ROR1: variants seen among roughly 807,000 people sequenced by gnomAD.
ROR1 encodes inactive tyrosine-protein kinase transmembrane receptor ROR1.
ROR1 carries 19 observed loss-of-function variants against 78.8 expected under a neutral mutation model. That is an observed-to-expected ratio of 0.24 (90% CI 0.17 to 0.35). The LOEUF is 0.35. ROR1 is among the 10% of genes least tolerant of loss of function. The pLI, the probability that ROR1 is intolerant of heterozygous loss-of-function variation, is 1.00. For missense variants in ROR1, 917 were observed against 1,177.8 expected, an observed-to-expected ratio of 0.78 and a Z score of 3.24; for synonymous variants, 386 against 433.6, an observed-to-expected ratio of 0.89 and a Z score of 1.36.
chr1:64,052,909 T>G (rs778363143), intron 4 of ROR1, among the ~76,000 whole-genome samples: 5 of 152,046 alleles, frequency 3.3e-5, no homozygotes, highest in Non-Finnish European at 7.4e-5. Context: ...TTGCCACCAC[T>G]TCCCCTGTCT....
intron 4 of ROR1, among the ~76,000 whole-genome samples, chr1:64,122,936 A>C (rs1648593861): frequency 6.6e-6 from 1 of 152,210 alleles, no homozygotes; most frequent in Non-Finnish European, 1.5e-5. Flanking sequence ...AAGAGGGAAG[A>C]AAGAATGGCT....
chr1:64,063,081 G>T (rs1399630652), intron 4 of ROR1, among the ~76,000 whole-genome samples: 1 of 152,160 alleles, frequency 6.6e-6, no homozygotes, highest in African/African-American at 2.4e-5. Context: ...AGACCCAGGG[G>T]CTCATATACC....
chr1:63,863,773 ATTGTATTGTATTG>A (rs1645197448), intron 1 of ROR1, among the ~76,000 whole-genome samples: 1 of 150,520 alleles, frequency 6.6e-6, no homozygotes, highest in Non-Finnish European at 1.5e-5. Flanking sequence ...ATTGTATTGT[ATTGTATTGTATTG>A]TATTGTATTG....
At chr1:63,874,097 A>C (rs1197268732) in intron 1 of ROR1, among the ~76,000 whole-genome samples, 1 of 152,176 alleles carries the variant, frequency 6.6e-6, no homozygotes, top group Non-Finnish European at 1.5e-5. Flanking sequence ...ATACTCTCTA[A>C]GTACAAGATA....
chr1:64,014,379 G>A (rs1454945638), intron 2 of ROR1, among the ~76,000 whole-genome samples: 3 of 151,988 alleles, frequency 2.0e-5, no homozygotes, highest in African/African-American at 7.2e-5. Flanking sequence ...CCCTGGAAGA[G>A]CCGCTGAAAG....
chr1:64,150,757 A>G (rs1384134966), intron 7 of ROR1, among the ~76,000 whole-genome samples: 2 of 152,362 alleles, frequency 1.3e-5, no homozygotes, highest in Admixed American at 1.3e-4. Flanking sequence ...TACATTTTCA[A>G]CAACAAAGTA....
chr1:64,020,096 G>T (rs1646552842), intron 2 of ROR1, among the ~76,000 whole-genome samples: 2 of 152,144 alleles, frequency 1.3e-5, no homozygotes, highest in Non-Finnish European at 2.9e-5. Flanking sequence ...TTCCACTCCA[G>T]GGCCACCAGA....
At chr1:64,001,143 A>G (rs1646379804) in intron 1 of ROR1, among the ~76,000 whole-genome samples, 1 of 152,242 alleles carries the variant, frequency 6.6e-6, no homozygotes, top group African/African-American at 2.4e-5. Context: ...ACCATGGAAT[A>G]CTCTACACAG....
intron 1 of ROR1, among the ~76,000 whole-genome samples, chr1:63,785,585 C>T (rs371406696): frequency 1.3e-5 from 2 of 151,612 alleles, no homozygotes; most frequent in Admixed American, 6.6e-5. Flanking sequence ...TGCAGTGGCA[C>T]GATCTCAGCT....
chr1:63,950,067 G>C (rs1199196007), intron 1 of ROR1, among the ~76,000 whole-genome samples: 1 of 152,110 alleles, frequency 6.6e-6, no homozygotes, highest in African/African-American at 2.4e-5. Flanking sequence ...GTTAAACACA[G>C]GGAATGTCCT....
At chr1:64,119,638 CA>C (rs11338825) in intron 4 of ROR1, among the ~76,000 whole-genome samples, 14,676 of 75,688 alleles carry the variant, frequency 0.19, 514 homozygotes, top group Middle Eastern at 0.25. Flanking sequence ...GGCTCCGTCT[CA>C]AAAAAAAAAA....
chr1:63,865,089 CATACAT>C (rs1645206908), intron 1 of ROR1, among the ~76,000 whole-genome samples: 1 of 152,210 alleles, frequency 6.6e-6, no homozygotes, highest in African/African-American at 2.4e-5. Flanking sequence ...GAAACACAAA[CATACAT>C]ATACATTTTT....
chr1:63,787,438 T>TTTCC (rs72297365), intron 1 of ROR1, among the ~76,000 whole-genome samples: 48,710 of 127,398 alleles, frequency 0.38, 11,264 homozygotes, highest in East Asian at 0.54. Context: ...ATTGCCTTTC[T>TTTCC]TTCCTTCCTT....
chr1:63,859,540 GT>G (rs1197797923), intron 1 of ROR1, among the ~76,000 whole-genome samples: 3 of 152,190 alleles, frequency 2.0e-5, no homozygotes, highest in African/African-American at 7.2e-5. Context: ...ATAAGCAAAT[GT>G]CCCCCCTGTA....
chr1:64,168,584 T>C (rs1048127248), intron 8 of ROR1, among the ~76,000 whole-genome samples: 1 of 152,174 alleles, frequency 6.6e-6, no homozygotes, highest in Non-Finnish European at 1.5e-5. Flanking sequence ...CAACTAGCTA[T>C]TAAAATATAT....
chr1:64,010,135 C>T (rs1646464210), intron 2 of ROR1, among the ~76,000 whole-genome samples: 1 of 152,176 alleles, frequency 6.6e-6, no homozygotes, highest in Non-Finnish European at 1.5e-5. Context: ...ACTCATTCTC[C>T]CCCTTTTGCA....
chr1:64,091,647 A>G (rs950074103), intron 4 of ROR1, among the ~76,000 whole-genome samples: 2 of 151,976 alleles, frequency 1.3e-5, no homozygotes, highest in Non-Finnish European at 2.9e-5. Flanking sequence ...CCCACCTGGT[A>G]TTCTTCCTTC....
intron 7 of ROR1, among the ~76,000 whole-genome samples, chr1:64,157,756 A>G (rs1033970766): frequency 6.6e-6 from 1 of 152,086 alleles, no homozygotes; most frequent in Admixed American, 6.6e-5. Context: ...TATTTTCCTT[A>G]CCAGACGATG....
chr1:64,046,253 C>G (rs1221783028), intron 2 of ROR1, among the ~76,000 whole-genome samples: 2 of 152,178 alleles, frequency 1.3e-5, no homozygotes, highest in African/African-American at 2.4e-5. Flanking sequence ...AGTGTGAATT[C>G]CCTCTGGACT....
Sources: gnomAD v4.1 joint callset for allele counts (sites outside exome capture counted in the v4.1 genomes callset) on GRCh38, gnomAD v4.1.1 for gene constraint, MANE v1.5 for transcripts, NCBI Gene and HGNC (gene_info 2026-07-23, HGNC 2026-07-21) for gene names.